Variants in SOBP observed in about 807,000 individuals in gnomAD.
The protein encoded by SOBP is sine oculis-binding protein homolog.
SOBP carries 4 observed loss-of-function variants against 53.6 expected under a neutral mutation model. That is an observed-to-expected ratio of 0.07 (90% CI 0.04 to 0.17). The LOEUF is 0.17. Ranked by LOEUF, SOBP falls within the 10% of genes least tolerant of loss-of-function variation. SOBP has a pLI of 1.00. For missense variants in SOBP, 1,088 were observed against 1,204.7 expected (o/e 0.90, Z 1.43); for synonymous variants, 584 against 522.6 (o/e 1.12, Z -1.60).
chr6:107,636,826 G>A (rs1222571232), intron 6 of SOBP, among the ~76,000 whole-genome samples: 1 of 152,110 alleles, frequency 6.6e-6, no homozygotes, highest in Non-Finnish European at 1.5e-5. Context: ...GTGTTTTTCG[G>A]TAGTATTTAT....
At position 107,498,262 on chromosome 6, in the gene SOBP, G is replaced by T. The variant is rs535116449; in HGVS notation, c.97-5395G>T. Among the ~76,000 whole-genome samples the T allele has an allele frequency of 9.3e-4, 142 of 152,282 alleles. 1 individual carries two copies. The highest frequency in any genetic ancestry group is 3.3e-3 in the African/African-American group (138 of 41,550). ...TATGGGGAGGGGAAGGGCATGACTT[G>T]CCCCTCATTGGGTGAGTGATTGGGG... is the stretch of plus-strand genomic sequence containing the variant. On this transcript the variant is annotated intron_variant, in intron 1 of 6. Coordinates refer to ENST00000317357, the MANE Select transcript of SOBP (RefSeq NM_018013.4).
At chr6:107,611,417 T>G (rs1786594367) in intron 5 of SOBP, among the ~76,000 whole-genome samples, 1 of 152,130 alleles carries the variant, frequency 6.6e-6, no homozygotes, top group Non-Finnish European at 1.5e-5. Context: ...TTAGCAGGAG[T>G]AAGAGTGCAA....
chr6:107,496,363 C>G (rs908541285), intron 1 of SOBP, among the ~76,000 whole-genome samples: 1 of 152,146 alleles, frequency 6.6e-6, no homozygotes, highest in Non-Finnish European at 1.5e-5. Context: ...GTCCTGGCAG[C>G]AGATTAAAAT....
rs139643701 is a variant in SOBP, at chr6:107,515,212, A to G, written c.421+8785A>G. 419 of 152,348 alleles carry G rather than the reference A, an allele frequency of 2.8e-3. 3 individuals carry two copies. Among genetic ancestry groups the G allele is most frequent in the African/African-American group, 9.5e-3 (395 of 41,580 alleles). 9.4% of individuals were successfully genotyped at this position (152,348 alleles called of 1,614,324 possible). Reference sequence around the variant, plus strand: ...GTAGTCCTATTAAGGAAATAAAATAATTGAATCTTTTCTACAAAGAATATT... The same window carrying G: ...GTAGTCCTATTAAGGAAATAAAATAGTTGAATCTTTTCTACAAAGAATATT... On this transcript the variant is annotated intron_variant, in intron 3 of 6. Coordinates refer to ENST00000317357, the MANE Select transcript of SOBP (RefSeq NM_018013.4).
At position 107,626,314 on chromosome 6, in the gene SOBP, T is replaced by TA. The variant is rs377257446; in HGVS notation, c.670-7199dup. Among the ~76,000 whole-genome samples the TA allele has an allele frequency of 1.8e-3, 275 of 152,334 alleles. 1 individual carries two copies. The highest frequency in any genetic ancestry group is 4.1e-3 in the South Asian group (20 of 4,828). On this transcript the variant is annotated intron_variant, in intron 5 of 6. Transcript: ENST00000317357. ...TGCTAATTTTTCCACTTATTGCTAA[T>TA]AGACAGATTTTGAACTCTGCAAGGG...
rs767984586 is a variant in SOBP, at chr6:107,635,423, C to A, written c.2579C>A (p.Pro860Gln). ...GCCGGGCCTGAGGACCTGGAGCCGC[C>A]GCTCAAAAGGAGGTGCCTCCGAATT... ...LSAGPEDLEP[P>Q]LKRRCLRIRN... The change falls in exon 6 of 7, where the codon CCG becomes CAG. Residue 860 changes from proline to glutamine, a missense_variant. This residue lies in a region of SOBP where 665 missense variants were observed against 629.7 expected (regional missense o/e 1.06). Transcript: ENST00000317357. The surrounding 1 kb of genome is among the most constrained non-coding windows in gnomAD (Gnocchi z 4.5). 1.2e-6 allele frequency: 2 copies of A among 1,613,570 alleles called. No homozygotes were observed. Among genetic ancestry groups the A allele is most frequent in the Non-Finnish European group, 1.7e-6 (2 of 1,180,028 alleles).
rs547511178 is a variant in SOBP at position 107,631,403 on chromosome 6, T to A, written c.670-2111T>A. ...AGAAGCAGGTGGTTTTATTTCATAG[T>A]GGAATTTAAGTGCCACATCATTATA... On this transcript the variant is annotated intron_variant, in intron 5 of 6. Coordinates refer to ENST00000317357, the MANE Select transcript of SOBP (RefSeq NM_018013.4). Among the ~76,000 whole-genome samples, 25 of 152,352 alleles carry A rather than the reference T, an allele frequency of 1.6e-4. No individual in the cohort carries two copies. The East Asian group carries it at 3.5e-3, about 21-fold the overall frequency.
At chr6:107,554,808 A>G (rs889491098) in intron 4 of SOBP, among the ~76,000 whole-genome samples, 1 of 151,960 alleles carries the variant, frequency 6.6e-6, no homozygotes, top group Non-Finnish European at 1.5e-5. Flanking sequence ...ATTTCTCTTC[A>G]GGTTTTGAGA....
At chr6:107,643,894 T>C (rs1186466229) in intron 6 of SOBP, among the ~76,000 whole-genome samples, 3 of 152,250 alleles carry the variant, frequency 2.0e-5, no homozygotes, top group African/African-American at 7.2e-5. Flanking sequence ...AGAATCAGCT[T>C]ATTTTATTAT....
At chr6:107,570,132 G>GT (rs895919621) in intron 4 of SOBP, among the ~76,000 whole-genome samples, 2 of 152,186 alleles carry the variant, frequency 1.3e-5, no homozygotes, top group Admixed American at 1.3e-4. Context: ...GCAAGTTGGT[G>GT]TTTTTTCCTT....
At chr6:107,630,443 T>A (rs1258813729) in intron 5 of SOBP, among the ~76,000 whole-genome samples, 1 of 152,196 alleles carries the variant, frequency 6.6e-6, no homozygotes, top group Non-Finnish European at 1.5e-5. Flanking sequence ...ACATCTTAAG[T>A]AATCAGTTCA....
chr6:107,644,172 C>T (rs1400170960), intron 6 of SOBP, among the ~76,000 whole-genome samples: 3 of 152,146 alleles, frequency 2.0e-5, no homozygotes, highest in East Asian at 1.9e-4. Context: ...GACATGATGG[C>T]GCATGGCTGT....
chr6:107,574,113 A>T (rs1222123159), intron 4 of SOBP, among the ~76,000 whole-genome samples: 2 of 152,222 alleles, frequency 1.3e-5, no homozygotes, highest in South Asian at 2.1e-4. Context: ...AATGACACAT[A>T]TAGTGCATCC....
At chr6:107,615,136 G>A (rs1332299804) in intron 5 of SOBP, among the ~76,000 whole-genome samples, 1 of 152,180 alleles carries the variant, frequency 6.6e-6, no homozygotes, top group African/African-American at 2.4e-5. Context: ...GGGACTGTTT[G>A]TGTTATTCTC....
intron 5 of SOBP, among the ~76,000 whole-genome samples, chr6:107,607,392 C>T (rs1786423988): frequency 6.6e-6 from 1 of 152,222 alleles, no homozygotes; most frequent in South Asian, 2.1e-4. Context: ...TGTTATCATT[C>T]AGCTCCCAAG....
chr6:107,642,355 G>A (rs1198577665), intron 6 of SOBP, among the ~76,000 whole-genome samples: 1 of 152,194 alleles, frequency 6.6e-6, no homozygotes, highest in Non-Finnish European at 1.5e-5. Flanking sequence ...AAAGATTCTA[G>A]TGAAAAATGA....
chr6:107,622,878 TA>T (rs1770243010), intron 5 of SOBP, among the ~76,000 whole-genome samples: 1 of 152,242 alleles, frequency 6.6e-6, no homozygotes, highest in Non-Finnish European at 1.5e-5. Context: ...AGATATGGGA[TA>T]ATTTATCTTG....
In SOBP at chr6:107,630,787, G is replaced by A. The variant is rs556427110; in HGVS notation, c.670-2727G>A. On this transcript the variant is annotated intron_variant, in intron 5 of 6. Transcript: ENST00000317357. Reference sequence around the variant, plus strand: ...CTCTCTCTCTCTCTCTCTCTCTCACGTTACCGAAAACAAGATAGTCATGAA... The same window carrying A: ...CTCTCTCTCTCTCTCTCTCTCTCACATTACCGAAAACAAGATAGTCATGAA... 7.8e-5 allele frequency among the ~76,000 whole-genome samples: 11 copies of A among 140,344 alleles called. No homozygotes were observed. The East Asian group carries it at 8.6e-4, about 11-fold the overall frequency. The allele number at this position is 140,344 out of a possible 152,430, so 92.1% of individuals were successfully genotyped here.
intron 4 of SOBP, among the ~76,000 whole-genome samples, chr6:107,539,707 C>G (rs984070640): frequency 6.6e-6 from 1 of 152,182 alleles, no homozygotes; most frequent in Non-Finnish European, 1.5e-5. Flanking sequence ...TTCAGTGAAA[C>G]AAATGATCAG....
Sources: gnomAD v4.1 joint callset for allele counts (sites outside exome capture counted in the v4.1 genomes callset) on GRCh38, gnomAD v4.1.1 for gene constraint, gnomAD v4.1.1 regional missense constraint, Gnocchi (gnomAD v3.1) non-coding constraint, MANE v1.5 for transcripts, NCBI Gene and HGNC (gene_info 2026-07-23, HGNC 2026-07-21) for gene names.